Variants in CNTN5 observed in about 807,000 individuals in gnomAD.
CNTN5 encodes contactin 5, also known as contactin-5.
Under a neutral mutation model 129.1 loss-of-function variants are expected in CNTN5, and 77 were observed. That is an observed-to-expected ratio of 0.60 (90% CI 0.50 to 0.72). CNTN5 has a LOEUF of 0.72. CNTN5 is among the 30% of genes least tolerant of loss of function. The pLI is 0.00. For synonymous variants in CNTN5, 509 were observed against 465.6 expected, an observed-to-expected ratio of 1.09 and a Z score of -1.20; for missense variants, 1,478 against 1,328.8, an observed-to-expected ratio of 1.11 and a Z score of -1.75.
chr11:99,734,672 T>G (rs1246516847), intron 3 of CNTN5, among the ~76,000 whole-genome samples: 1 of 151,900 alleles, frequency 6.6e-6, no homozygotes, highest in Admixed American at 6.6e-5. Flanking sequence ...CCAAAGAGGG[T>G]GTGTCCCTAT....
chr11:99,772,242 A>G (rs1366539847), intron 3 of CNTN5, among the ~76,000 whole-genome samples: 1 of 151,910 alleles, frequency 6.6e-6, no homozygotes, highest in Admixed American at 6.6e-5. Context: ...TGTTGACTGT[A>G]ATCAGCTCAA....
At chr11:100,286,981 T>C (rs1486523032) in intron 18 of CNTN5, among the ~76,000 whole-genome samples, 42 of 152,176 alleles carry the variant, frequency 2.8e-4, no homozygotes, top group African/African-American at 6.3e-4. Flanking sequence ...GGAGCCGATG[T>C]GATCAACTGG....
At chr11:99,182,017 T>C (rs1279661065) in intron 1 of CNTN5, among the ~76,000 whole-genome samples, 2 of 152,178 alleles carry the variant, frequency 1.3e-5, no homozygotes, top group African/African-American at 2.4e-5. Flanking sequence ...ATGCCTCTCA[T>C]TGCAAGACTT....
At chr11:99,654,015 A>C (rs1431909705) in intron 3 of CNTN5, among the ~76,000 whole-genome samples, 9 of 152,098 alleles carry the variant, frequency 5.9e-5, no homozygotes, top group Admixed American at 5.9e-4. Context: ...TTTAAGTACA[A>C]AACAAAATCA....
At chr11:100,336,948 C>T in intron 21 of CNTN5, 1 of 689,906 alleles carries the variant, frequency 1.4e-6, no homozygotes. Context: ...ATCGCGGGCA[C>T]CTTCTTAGGC....
chr11:99,735,921 C>T (rs915288899), intron 3 of CNTN5, among the ~76,000 whole-genome samples: 1 of 152,090 alleles, frequency 6.6e-6, no homozygotes, highest in South Asian at 2.1e-4. Context: ...CCTTGACCAC[C>T]GTCTCCTCAT....
intron 3 of CNTN5, among the ~76,000 whole-genome samples, chr11:99,812,214 A>G (rs982705263): frequency 1.3e-5 from 2 of 152,184 alleles, no homozygotes; most frequent in East Asian, 1.9e-4. Context: ...TATAGAGTCT[A>G]TTCATATCCA....
chr11:99,784,795 G>GGTTTTTTTTTTTTTTTTTTTTT lies in CNTN5; in HGVS notation c.56-34749_56-34748insGTTTTTTTTTTTTTTTTTTTTT. ...CTGGTGTGAGATGGTATCTCATTGT[G>GGTTTTTTTTTTTTTTTTTTTTT]TTTTTTTTTTTTTTTTTTTTTTGAG... is the stretch of plus-strand genomic sequence containing the variant. On this transcript the variant is annotated intron_variant, in intron 3 of 24. Transcript: ENST00000524871. Among the ~76,000 whole-genome samples the GGTTTTTTTTTTTTTTTTTTTTT allele has an allele frequency of 2.1e-5, 2 of 93,916 alleles. 1 individual carries two copies. Among genetic ancestry groups the GGTTTTTTTTTTTTTTTTTTTTT allele is most frequent in the Non-Finnish European group, 4.1e-5 (2 of 48,428 alleles). 61.6% of individuals were successfully genotyped at this position (93,916 alleles called of 152,430 possible). A position where few individuals can be genotyped will look rare whatever the true frequency, so the allele number is the denominator to read the frequency against.
At chr11:99,997,206 T>A (rs12222834) in intron 8 of CNTN5, among the ~76,000 whole-genome samples, 39,422 of 152,010 alleles carry the variant, frequency 0.26, 5,157 homozygotes, top group East Asian at 0.37. Context: ...ATTCATTAAC[T>A]TTTTGAAGGG....
intron 16 of CNTN5, among the ~76,000 whole-genome samples, chr11:100,234,282 T>C (rs886957930): frequency 6.6e-6 from 1 of 152,110 alleles, no homozygotes; most frequent in African/African-American, 2.4e-5. Context: ...GACCCAGCAA[T>C]CCCATCACTG....
intron 21 of CNTN5, among the ~76,000 whole-genome samples, chr11:100,336,213 T>C (rs1366622975): frequency 6.6e-6 from 1 of 152,226 alleles, no homozygotes; most frequent in African/African-American, 2.4e-5. Flanking sequence ...CTGGGGTCTA[T>C]TCTGGGAAAT....
At chr11:100,080,907 A>G (rs892537280) in intron 13 of CNTN5, among the ~76,000 whole-genome samples, 2 of 152,168 alleles carry the variant, frequency 1.3e-5, no homozygotes, top group African/African-American at 4.8e-5. Flanking sequence ...TAAAGGAAGA[A>G]AGGTTTATAT....
intron 2 of CNTN5, among the ~76,000 whole-genome samples, chr11:99,382,844 A>ATTTTTTTTTTTTTTTTTTTTTTT (rs774797660): frequency 1.2e-4 from 8 of 69,384 alleles, no homozygotes; most frequent in African/African-American, 4.3e-4. Flanking sequence ...TCTCTAAATA[A>ATTTTTTTTTTTTTTTTTTTTTTT]CTTTTTTTTT....
intron 3 of CNTN5, among the ~76,000 whole-genome samples, chr11:99,783,960 T>TA (rs1236941872): frequency 6.6e-6 from 1 of 151,586 alleles, no homozygotes; most frequent in African/African-American, 2.4e-5. Flanking sequence ...CCCTAAAATG[T>TA]AAAGTATAAT....
chr11:99,332,434 C>T (rs1866038834), intron 2 of CNTN5, among the ~76,000 whole-genome samples: 3 of 152,036 alleles, frequency 2.0e-5, no homozygotes, highest in South Asian at 2.1e-4. Context: ...ATCTGTGCCC[C>T]GATAATGTCT....
At chr11:99,350,336 G>A (rs938517033) in intron 2 of CNTN5, among the ~76,000 whole-genome samples, 8 of 152,018 alleles carry the variant, frequency 5.3e-5, no homozygotes, top group African/African-American at 1.9e-4. Context: ...TTTAGATGTT[G>A]GAACTCACAT....
intron 13 of CNTN5, among the ~76,000 whole-genome samples, chr11:100,123,685 G>T (rs1179014659): frequency 2.0e-5 from 3 of 151,852 alleles, no homozygotes; most frequent in African/African-American, 7.2e-5. Context: ...AAGATATTGG[G>T]TGGAAAAAGA....
intron 2 of CNTN5, among the ~76,000 whole-genome samples, chr11:99,343,614 A>G (rs1000634548): frequency 6.6e-6 from 1 of 152,296 alleles, no homozygotes; most frequent in African/African-American, 2.4e-5. Context: ...CGATCTCTGT[A>G]TCTATACCTT....
intron 2 of CNTN5, among the ~76,000 whole-genome samples, chr11:99,486,212 G>A (rs1021024587): frequency 5.3e-5 from 8 of 152,022 alleles, no homozygotes; most frequent in African/African-American, 1.9e-4. Flanking sequence ...AGACCAAGTT[G>A]ATGTCTTTCA....
Sources: gnomAD v4.1 joint callset for allele counts (sites outside exome capture counted in the v4.1 genomes callset) on GRCh38, gnomAD v4.1.1 for gene constraint, MANE v1.5 for transcripts, NCBI Gene and HGNC (gene_info 2026-07-23, HGNC 2026-07-21) for gene names.